Variants in IGF2R observed in about 807,000 individuals in gnomAD.
IGF2R encodes insulin like growth factor 2 receptor, also known as cation-independent mannose-6-phosphate receptor.
Under a neutral mutation model 270.6 loss-of-function variants are expected in IGF2R, and 91 were observed. The observed-to-expected ratio is 0.34, with a 90% CI of 0.28 to 0.40. The LOEUF (loss-of-function observed/expected upper bound fraction) is 0.40, where lower values mean the gene tolerates loss of function less well. Ranked by LOEUF, IGF2R falls within the 10% of genes least tolerant of loss-of-function variation. IGF2R has a pLI of 1.00. For synonymous variants in IGF2R, 1,316 were observed against 1,258.9 expected (o/e 1.05, Z -0.96); for missense variants, 2,805 against 3,188.3 (o/e 0.88, Z 2.90).
chr6:159,980,928 G>A (rs1783790370), intron 1 of IGF2R, among the ~76,000 whole-genome samples: 1 of 152,208 alleles, frequency 6.6e-6, no homozygotes, highest in African/African-American at 2.4e-5. Flanking sequence ...GACCGCCCAG[G>A]TAATTGCTCT....
chr6:160,060,798 G>A (rs1778422621), intron 23 of IGF2R, 81 bp downstream of exon 23: 1 of 1,376,506 alleles, frequency 7.3e-7, no homozygotes, highest in Admixed American at 1.8e-5. Context: ...GTGTTTCTGT[G>A]TGTATGTATA....
intron 37 of IGF2R, among the ~76,000 whole-genome samples, chr6:160,079,330 C>T (rs1289822240): frequency 2.0e-5 from 3 of 152,208 alleles, no homozygotes; most frequent in African/African-American, 7.2e-5. Flanking sequence ...AGAGCAGTGG[C>T]TGGCTGGCAG....
At chr6:160,062,709 A>G in intron 26 of IGF2R, 90 bp downstream of exon 26, 2 of 895,020 alleles carry the variant, frequency 2.2e-6, no homozygotes, top group Non-Finnish European at 3.5e-6. Flanking sequence ...CCGTGTGATA[A>G]CAGCCATAGC....
chr6:160,071,817 T>G, intron 31 of IGF2R, 93 bp from the exon 32 acceptor site: 3 of 1,510,154 alleles, frequency 2.0e-6, no homozygotes, highest in Non-Finnish European at 1.8e-6. Flanking sequence ...TGCTGTGGAG[T>G]TTTTCAGAGA....
At chr6:160,052,696 A>G (rs1028695743) in intron 19 of IGF2R, among the ~76,000 whole-genome samples, 12 of 152,258 alleles carry the variant, frequency 7.9e-5, no homozygotes, top group Admixed American at 7.2e-4. Context: ...CTACAAGGCT[A>G]CAATAACCAA....
In IGF2R at chr6:160,078,289, A is replaced by T. The variant is rs749989186; in HGVS notation, c.5405A>T (p.Asp1802Val). 8 of 1,614,034 alleles carry T rather than the reference A, an allele frequency of 5.0e-6. No individual in the cohort carries two copies. Among genetic ancestry groups the T allele is most frequent in the Non-Finnish European group, 6.8e-6 (8 of 1,179,986 alleles). Residue 1802 changes from aspartate to valine, a missense_variant, in exon 37 of 48, where the codon GAT (aspartate) becomes GTT (valine). Physicochemically the swap from Asp to Val is radical, Grantham distance 152. Coordinates refer to ENST00000356956, the MANE Select transcript of IGF2R (RefSeq NM_000876.4). ...GTCTGTCCTGATGAAGTGAGGATGG[A>T]TGGCTGTACCCTGACAGATGAGCAG... Reference protein sequence around the residue: ...PVVCPDEVRMDGCTLTDEQLL... With the variant: ...PVVCPDEVRMVGCTLTDEQLL...
chr6:160,081,387 A>G (rs1322660065), intron 39 of IGF2R, among the ~76,000 whole-genome samples: 1 of 152,142 alleles, frequency 6.6e-6, no homozygotes, highest in Non-Finnish European at 1.5e-5. Flanking sequence ...GAGTGTACGA[A>G]TAGGGTGTGG....
chr6:160,091,604 C>G (rs991100888), intron 44 of IGF2R, among the ~76,000 whole-genome samples: 6 of 152,344 alleles, frequency 3.9e-5, no homozygotes, highest in South Asian at 2.1e-4. Flanking sequence ...CAGCCTCATT[C>G]ACTTGCATAA....
At chr6:160,012,275 A>G (rs1784345838) in intron 4 of IGF2R, among the ~76,000 whole-genome samples, 1 of 152,204 alleles carries the variant, frequency 6.6e-6, no homozygotes, top group Non-Finnish European at 1.5e-5. Context: ...AGCATCTCAA[A>G]GCAGACATCT....
intron 1 of IGF2R, among the ~76,000 whole-genome samples, chr6:159,984,977 C>T (rs565758986): frequency 6.6e-6 from 1 of 152,130 alleles, no homozygotes; most frequent in Non-Finnish European, 1.5e-5. Flanking sequence ...AAAGGAAAAA[C>T]CATATCCGAA....
At position 160,081,681 on chromosome 6, in the gene IGF2R, C is replaced by T. The variant is rs190980912; in HGVS notation, c.5833+1406C>T. Reference sequence around the variant, plus strand: ...ACCCCTAGAGTGGCCATTTAAGAGGCGCCCCTGCCTTCCTCCCGGGAATGC... The same window carrying T: ...ACCCCTAGAGTGGCCATTTAAGAGGTGCCCCTGCCTTCCTCCCGGGAATGC... On this transcript the variant is annotated intron_variant, in intron 39 of 47. Transcript: ENST00000356956. Among the ~76,000 whole-genome samples the T allele has an allele frequency of 2.3e-4, 35 of 152,302 alleles. No individual in the cohort carries two copies. The East Asian group carries it at 6.0e-3, about 26-fold the overall frequency.
intron 4 of IGF2R, among the ~76,000 whole-genome samples, chr6:160,012,350 A>G (rs1044009897): frequency 2.3e-4 from 35 of 152,176 alleles, no homozygotes; most frequent in African/African-American, 7.2e-4. Context: ...ATAAAGAAAC[A>G]CCTGAGACTG....
rs780614300 is a variant in IGF2R, at chr6:160,001,847, C to T, written c.290-7163C>T. 6.0e-4 allele frequency among the ~76,000 whole-genome samples: 92 copies of T among 152,190 alleles called. 1 individual carries two copies. Among genetic ancestry groups the T allele is most frequent in the Non-Finnish European group, 6.8e-4 (46 of 68,032 alleles). ...CCCATTTGCAACCTAATTATTTTCA[C>T]ATTTTAAAGTGGTTTATACATTTTA... On this transcript the variant is annotated intron_variant, in intron 2 of 47. Transcript: ENST00000356956.
Position 160,061,777 on chromosome 6 carries a change from T to G in IGF2R, c.3431T>G (p.Val1144Gly). 1 of 1,614,210 alleles carries G rather than the reference T, an allele frequency of 6.2e-7. No homozygotes were observed. The highest frequency in any genetic ancestry group is 8.5e-7 in the Non-Finnish European group (1 of 1,180,042). ...CQGSAVGSCL[V>G]SEGNSWNLGV... The stretch of plus-strand genomic sequence containing the variant: ...GGCAGCGCAGTGGGGTCTTGCTTAG[T>G]GTCAGAAGGCAATAGCTGGAATCTG... The change falls in exon 25 of 48, where the codon GTG becomes GGG. Residue 1144 changes from valine to glycine, a missense_variant. Coordinates refer to ENST00000356956, the MANE Select transcript of IGF2R (RefSeq NM_000876.4).
chr6:160,061,413 C>A, intron 23 of IGF2R, 90 bp from the exon 24 acceptor site: 2 of 1,202,930 alleles, frequency 1.7e-6, no homozygotes, highest in Non-Finnish European at 2.4e-6. Flanking sequence ...CAGGTTCACG[C>A]CTCCTCAGGG....
intron 1 of IGF2R, among the ~76,000 whole-genome samples, chr6:159,977,567 G>T (rs1783713812): frequency 6.6e-6 from 1 of 152,248 alleles, no homozygotes; most frequent in Non-Finnish European, 1.5e-5. Flanking sequence ...GGGGGATCTG[G>T]ATTGTTGAGT....
At chr6:160,007,384 T>C (rs1405492132) in intron 2 of IGF2R, 5 of 152,220 alleles carry the variant, frequency 3.3e-5, no homozygotes, top group Admixed American at 1.3e-4. Context: ...TGGCTGACAC[T>C]TGGTATTTAA....
rs904128844 is a variant in IGF2R at position 160,056,040 on chromosome 6, T to C, written c.2695-384T>C. Among the ~76,000 whole-genome samples, 3 of 152,264 alleles carry C rather than the reference T, an allele frequency of 2.0e-5. No homozygotes were observed. The East Asian group carries it at 5.8e-4, about 29-fold the overall frequency. The stretch of plus-strand genomic sequence containing the variant: ...TCCTGACCTCTGACAGCGCAGGCCA[T>C]TGTTGCCCAATCCTGAGCTGATGTC... On this transcript the variant is annotated intron_variant, in intron 19 of 47. Transcript: ENST00000356956.
chr6:159,981,353 G>A (rs1046791590), intron 1 of IGF2R, among the ~76,000 whole-genome samples: 3 of 152,068 alleles, frequency 2.0e-5, no homozygotes, highest in African/African-American at 7.2e-5. Context: ...GTGTGTGTGA[G>A]TGTGTTTGTC....
Sources: gnomAD v4.1 joint callset for allele counts (sites outside exome capture counted in the v4.1 genomes callset) on GRCh38, gnomAD v4.1.1 for gene constraint, MANE v1.5 for transcripts, NCBI Gene and HGNC (gene_info 2026-07-23, HGNC 2026-07-21) for gene names.